Variants in SEC23B observed in about 807,000 individuals in gnomAD.
The protein encoded by SEC23B is SEC23 homolog B, COPII component.
A neutral mutation model predicts 104.3 loss-of-function variants in SEC23B; 77 were observed. That is an observed-to-expected ratio of 0.74 (90% confidence interval 0.61 to 0.89). The LOEUF (loss-of-function observed/expected upper bound fraction) is 0.89, where lower values mean the gene tolerates loss of function less well. Ranked by LOEUF, SEC23B falls within the 40% of genes least tolerant of loss-of-function variation. SEC23B has a pLI of 0.00. For synonymous variants in SEC23B, 338 were observed against 332.5 expected (o/e 1.02, Z -0.18); for missense variants, 885 against 949.4 (o/e 0.93, Z 0.89).
At chr20:18,535,196 A>ACCCCCCC (rs1270762579) in intron 11 of SEC23B, among the ~76,000 whole-genome samples, 5 of 113,436 alleles carry the variant, frequency 4.4e-5, no homozygotes, top group Admixed American at 9.1e-5. Context: ...TGACACACCC[A>ACCCCCCC]CCCCCCCCCA....
chr20:18,515,864 T>C (rs2060020218), intron 4 of SEC23B, 128 bp downstream of exon 4: 2 of 708,340 alleles, frequency 2.8e-6, no homozygotes, highest in Non-Finnish European at 5.2e-6. Context: ...TCCTAACCTT[T>C]AGGTTTGATG....
At chr20:18,529,311 G>A (rs559030064) in intron 9 of SEC23B, among the ~76,000 whole-genome samples, 13 of 152,218 alleles carry the variant, frequency 8.5e-5, no homozygotes, top group Non-Finnish European at 1.5e-4. Flanking sequence ...ATCAAGAAGG[G>A]CCTTTCTTAA....
Position 18,548,777 on chromosome 20 carries a change from C to CTCTA in SEC23B, c.1905+8_1905+11dup. The CTCTA allele has an allele frequency of 6.2e-7, 1 of 1,613,796 alleles. No homozygotes were observed. Among genetic ancestry groups the CTCTA allele is most frequent in the Admixed American group, 1.7e-5 (1 of 60,026 alleles). ...CTTTCATGGGCCACCAGAGGTGAGG[C>CTCTA]TCTACCCAAATGCTTTCCTGAGGAT... On this transcript the variant is annotated splice_region_variant and intron_variant, in intron 16 of 19. Transcript: ENST00000650089.
chr20:18,545,907 C>A, intron 14 of SEC23B, 49 bp from the exon 15 acceptor site: 2 of 1,093,892 alleles, frequency 1.8e-6, no homozygotes, highest in Non-Finnish European at 2.8e-6. Context: ...AGATTTTTCT[C>A]TCTCTTTTTG....
intron 18 of SEC23B, 103 bp from the exon 19 acceptor site, chr20:18,554,976 TTAGATTACTGTGCAGTAAAACAATTCTAA>T: frequency 9.9e-5 from 7 of 71,016 alleles, no homozygotes; most frequent in Non-Finnish European, 1.7e-4. Context: ...ACAATTCTAA[TTAGATTACTGTGCAGTAAAACAATTCTAA>T]TTTAACCAAA....
intron 4 of SEC23B, among the ~76,000 whole-genome samples, chr20:18,517,136 G>C (rs530039177): frequency 6.6e-6 from 1 of 152,102 alleles, no homozygotes; most frequent in African/African-American, 2.4e-5. Context: ...TCATGTGTCC[G>C]TGTGAAGAGA....
chr20:18,509,105 A>G (rs147188941), intron 1 of SEC23B, among the ~76,000 whole-genome samples: 108 of 152,360 alleles, frequency 7.1e-4, no homozygotes, highest in African/African-American at 2.5e-3. Flanking sequence ...GAGTTGTGAT[A>G]GAACTTGCTT....
At chr20:18,515,206 A>G (rs1374910390) in intron 3 of SEC23B, among the ~76,000 whole-genome samples, 4 of 152,224 alleles carry the variant, frequency 2.6e-5, no homozygotes, top group Non-Finnish European at 5.9e-5. Flanking sequence ...GAGGACAGAA[A>G]TGATATAAAT....
intron 2 of SEC23B, among the ~76,000 whole-genome samples, chr20:18,511,838 T>C: frequency 6.6e-6 from 1 of 152,228 alleles, no homozygotes; most frequent in Non-Finnish European, 1.5e-5. Flanking sequence ...AATATGCTTT[T>C]AATGTTGGAA....
chr20:18,510,902 G>C lies in SEC23B; in HGVS notation c.67G>C (p.Val23Leu), dbSNP rs748200634. 3 of 1,614,186 alleles carry C rather than the reference G, an allele frequency of 1.9e-6. No homozygotes were observed. Among genetic ancestry groups the C allele is most frequent in the Non-Finnish European group, 2.5e-6 (3 of 1,180,020 alleles). Reference sequence around the variant, plus strand: ...GGATGGTGTGCGTTTTAGTTGGAACGTGTGGCCTTCCAGCCGGCTGGAGGC... The same window carrying C: ...GGATGGTGTGCGTTTTAGTTGGAACCTGTGGCCTTCCAGCCGGCTGGAGGC... ...ERDGVRFSWNVWPSSRLEATR... is the reference protein window; with the variant it reads ...ERDGVRFSWNLWPSSRLEATR... The change falls in exon 2 of 20, where the codon GTG becomes CTG. Residue 23 changes from valine (V) to leucine (L), a missense_variant. Transcript: ENST00000650089.
At chr20:18,549,957 G>C (rs1288676405) in intron 16 of SEC23B, among the ~76,000 whole-genome samples, 2 of 146,110 alleles carry the variant, frequency 1.4e-5, no homozygotes, top group Non-Finnish European at 3.0e-5. Context: ...CTGGGCAACA[G>C]AGCAAGACTC....
chr20:18,522,233 A>G (rs954691104), intron 4 of SEC23B, among the ~76,000 whole-genome samples: 35 of 152,228 alleles, frequency 2.3e-4, no homozygotes, highest in African/African-American at 7.5e-4. Flanking sequence ...CTTGTCACCA[A>G]GGGAATGTGG....
chr20:18,558,126 C>T (rs1219822933), intron 19 of SEC23B, among the ~76,000 whole-genome samples: 1 of 152,270 alleles, frequency 6.6e-6, no homozygotes, highest in African/African-American at 2.4e-5. Flanking sequence ...AATGTCTTGA[C>T]GTCCCTTTCA....
At chr20:18,508,342 TAC>T (rs1400058619) in intron 1 of SEC23B, 1 of 152,238 alleles carries the variant, frequency 6.6e-6, no homozygotes, top group East Asian at 1.9e-4. Flanking sequence ...TATTCTTACA[TAC>T]ACATGGTCAC....
intron 19 of SEC23B, among the ~76,000 whole-genome samples, chr20:18,560,127 T>TTA (rs1281710005): frequency 2.0e-5 from 3 of 152,032 alleles, no homozygotes; most frequent in Non-Finnish European, 4.4e-5. Context: ...TATATATTTT[T>TTA]AATTTCTTTA....
In SEC23B at chr20:18,560,680, T is replaced by C. The variant is rs748290215; in HGVS notation, c.2244T>C (p.Asp748=). 4 of 1,614,064 alleles carry C rather than the reference T, an allele frequency of 2.5e-6. No individual in the cohort carries two copies. The highest frequency in any genetic ancestry group is 2.5e-6 in the Non-Finnish European group (3 of 1,179,912). The change falls in exon 20 of 20, where the codon GAT becomes GAC. Residue 748 remains aspartate, a synonymous_variant. Coordinates refer to ENST00000650089, the MANE Select transcript of SEC23B (RefSeq NM_006363.6). ...CTGGAGCACCCATCCTAACTGATGATGTTAGCCTGCAGGTGTTCATGGACC... is the reference window on the plus strand; with the variant it reads ...CTGGAGCACCCATCCTAACTGATGACGTTAGCCTGCAGGTGTTCATGGACC... ...QETGAPILTD[D]VSLQVFMDHL...
At chr20:18,545,557 C>T (rs1166109337) in intron 14 of SEC23B, among the ~76,000 whole-genome samples, 3 of 152,108 alleles carry the variant, frequency 2.0e-5, no homozygotes, top group Non-Finnish European at 2.9e-5. Context: ...AGAAGTCTGC[C>T]ATTGGGAGAA....
chr20:18,548,972 A>C (rs942310589), intron 16 of SEC23B, among the ~76,000 whole-genome samples: 2 of 152,362 alleles, frequency 1.3e-5, no homozygotes, highest in African/African-American at 4.8e-5. Flanking sequence ...GGCAGGAATA[A>C]ATGTAAAAAA....
intron 12 of SEC23B, among the ~76,000 whole-genome samples, chr20:18,538,778 G>A (rs1359894879): frequency 6.6e-6 from 1 of 152,186 alleles, no homozygotes; most frequent in Non-Finnish European, 1.5e-5. Context: ...GCATCTGCAT[G>A]AGGAGTAGAT....
Sources: gnomAD v4.1 joint callset for allele counts (sites outside exome capture counted in the v4.1 genomes callset) on GRCh38, gnomAD v4.1.1 for gene constraint, MANE v1.5 for transcripts, NCBI Gene and HGNC (gene_info 2026-07-23, HGNC 2026-07-21) for gene names.